Variants in SLC26A3 observed in about 807,000 individuals in gnomAD.
The protein encoded by SLC26A3 is chloride anion exchanger.
In SLC26A3, 64 loss-of-function variants were observed where a neutral mutation model predicts 85.6. The observed-to-expected ratio is 0.75, with a 90% CI of 0.61 to 0.92. SLC26A3 has a LOEUF of 0.92. Ranked by LOEUF, SLC26A3 falls within the 40% of genes least tolerant of loss-of-function variation. SLC26A3 has a pLI of 0.00. For synonymous variants in SLC26A3, 349 were observed against 336.0 expected, an observed-to-expected ratio of 1.04 and a Z score of -0.42; for missense variants, 922 against 927.3, an observed-to-expected ratio of 0.99 and a Z score of 0.07.
chr7:107,778,360 C>CTGTTTTTTTTT (rs1794156104), intron 12 of SLC26A3, 79 bp from the exon 13 acceptor site: 1 of 372,404 alleles, frequency 2.7e-6, no homozygotes, highest in Non-Finnish European at 4.6e-6. Context: ...TTTAAAAAGA[C>CTGTTTTTTTTT]TTTTTTTTTT....
intron 18 of SLC26A3, 50 bp from the exon 19 acceptor site, chr7:107,767,958 C>T (rs778141317): frequency 6.4e-7 from 1 of 1,569,848 alleles, no homozygotes; most frequent in South Asian, 1.1e-5. Context: ...TGTTTGGCTA[C>T]CGGTTTCCCC....
Position 107,771,422 on chromosome 7 carries a change from TC to T in SLC26A3, c.2062+631del, listed in dbSNP as rs750418258. 5.9e-4 allele frequency among the ~76,000 whole-genome samples: 90 copies of T among 151,340 alleles called. 1 individual carries two copies. The highest frequency in any genetic ancestry group is 3.3e-4 in the Admixed American group (5 of 15,198). ...CATGTAGGAAATTGACTAGAAAGAGTCTGTGGAATTAGAACTATGGTATAGA... is the reference window on the plus strand; with the variant it reads ...CATGTAGGAAATTGACTAGAAAGAGTTGTGGAATTAGAACTATGGTATAGA... On this transcript the variant is annotated intron_variant, in intron 18 of 20. Coordinates refer to ENST00000340010, the MANE Select transcript of SLC26A3 (RefSeq NM_000111.3).
At chr7:107,788,784 C>CTTTTTTTTTTTTTTTTTTTTTTTTTTTTT (rs71861759) in intron 6 of SLC26A3, among the ~76,000 whole-genome samples, 2 of 108,064 alleles carry the variant, frequency 1.9e-5, no homozygotes, top group African/African-American at 6.9e-5. Context: ...TTTTTCTTTT[C>CTTTTTTTTTTTTTTTTTTTTTTTTTTTTT]TTTTTTTTTT....
At chr7:107,782,248 G>A (rs1794225556) in intron 11 of SLC26A3, among the ~76,000 whole-genome samples, 1 of 152,190 alleles carries the variant, frequency 6.6e-6, no homozygotes, top group Non-Finnish European at 1.5e-5. Context: ...TGCTGCAGCA[G>A]TTTACAAAGT....
At chr7:107,768,430 A>G (rs2115785629) in intron 18 of SLC26A3, among the ~76,000 whole-genome samples, 1 of 152,336 alleles carries the variant, frequency 6.6e-6, no homozygotes, top group Non-Finnish European at 1.5e-5. Flanking sequence ...ACTAAGCAGC[A>G]TTCATTTACA....
chr7:107,775,516 C>T (rs1292350238), intron 15 of SLC26A3, among the ~76,000 whole-genome samples: 1 of 151,786 alleles, frequency 6.6e-6, no homozygotes, highest in African/African-American at 2.4e-5. Context: ...CGTGAGGCCA[C>T]GAGTTCAAGG....
Position 107,784,797 on chromosome 7 carries a change from T to C in SLC26A3, c.972-1445A>G, listed in dbSNP as rs141605993. On this transcript the variant is annotated intron_variant, in intron 8 of 20. Coordinates refer to ENST00000340010, the MANE Select transcript of SLC26A3 (RefSeq NM_000111.3). The stretch of plus-strand genomic sequence containing the variant: ...ATAAATGCAAATACTATTTACACAC[T>C]GTAAAACACAAAGTGCCTGTTAGCT... 2.0e-5 allele frequency among the ~76,000 whole-genome samples: 3 copies of C among 152,328 alleles called. No individual in the cohort carries two copies. The East Asian group carries it at 5.8e-4, about 29-fold the overall frequency.
At chr7:107,781,039 T>C (rs1015482154) in intron 11 of SLC26A3, among the ~76,000 whole-genome samples, 2 of 152,172 alleles carry the variant, frequency 1.3e-5, no homozygotes, top group Non-Finnish European at 2.9e-5. Context: ...TTTTTTCCAT[T>C]GGGCATTATT....
In SLC26A3 at chr7:107,791,087, C is replaced by T. The variant is rs543522300; in HGVS notation, c.531G>A (p.Ala177=). Residue 177 remains alanine, a synonymous_variant, in exon 5 of 21, where the codon GCG becomes GCA. Transcript: ENST00000340010. The part of the protein sequence containing the change: ...SLLDDERVRV[A]AAASVTVLSG... ...AAAGCACTGTGACTGATGCCGCCGCCGCCACCCTCACCCTCTCGTCATCCA... is the reference window on the plus strand; with the variant it reads ...AAAGCACTGTGACTGATGCCGCCGCTGCCACCCTCACCCTCTCGTCATCCA... 3.0e-5 allele frequency: 48 copies of T among 1,614,130 alleles called. 1 individual carries two copies. The South Asian group carries it at 3.3e-4, about 11-fold the overall frequency.
chr7:107,783,603 C>T (rs963033743), intron 8 of SLC26A3, among the ~76,000 whole-genome samples: 3 of 152,106 alleles, frequency 2.0e-5, no homozygotes, highest in African/African-American at 7.2e-5. Context: ...ATGATTTTGC[C>T]AGTAAAACCA....
chr7:107,769,110 G>A (rs1453365003), intron 18 of SLC26A3, among the ~76,000 whole-genome samples: 3 of 152,146 alleles, frequency 2.0e-5, no homozygotes, highest in Non-Finnish European at 4.4e-5. Context: ...TTATAAGGAA[G>A]CCTTGACAAT....
chr7:107,776,178 A>G (rs1794111566), intron 15 of SLC26A3: 2 of 470,556 alleles, frequency 4.3e-6, no homozygotes. Context: ...CTAGCAGCCC[A>G]AAACTTGGTA....
chr7:107,798,740 G>A lies in SLC26A3; in HGVS notation c.-88-4143C>T, dbSNP rs80006005. Among the ~76,000 whole-genome samples, 639 of 152,196 alleles carry A rather than the reference G, an allele frequency of 4.2e-3. 7 individuals carry two copies. Among genetic ancestry groups the A allele is most frequent in the African/African-American group, 0.014 (601 of 41,512 alleles). On this transcript the variant is annotated intron_variant, in intron 1 of 20. Coordinates refer to ENST00000340010, the MANE Select transcript of SLC26A3 (RefSeq NM_000111.3). The stretch of plus-strand genomic sequence containing the variant: ...GCTGTTCAAGCTGAGGAAGGCCTTC[G>A]ATAGAGACATCACTGAAAATGCCAC...
intron 17 of SLC26A3, 106 bp downstream of exon 17, chr7:107,773,814 G>T: frequency 1.0e-6 from 1 of 960,454 alleles, no homozygotes; most frequent in Admixed American, 2.0e-5. Flanking sequence ...GCCTCCCAAA[G>T]TGCTGGGATT....
chr7:107,779,069 G>A (rs1322421749), intron 12 of SLC26A3, among the ~76,000 whole-genome samples: 1 of 152,116 alleles, frequency 6.6e-6, no homozygotes, highest in Admixed American at 6.6e-5. Context: ...ATTAATGGTT[G>A]CTATCTTTAT....
At position 107,772,113 on chromosome 7, in the gene SLC26A3, TA is replaced by T. The variant is rs1794039189; in HGVS notation, c.2008-6del. ...CCTGATAAATTCTTGCAAAATCTGTTAAAAAGAAAAGTATATCTTCCTTAGG... is the reference window on the plus strand; with the variant it reads ...CCTGATAAATTCTTGCAAAATCTGTTAAAAGAAAAGTATATCTTCCTTAGG... On this transcript the variant is annotated splice_region_variant and splice_polypyrimidine_tract_variant and intron_variant, in intron 17 of 20. Coordinates refer to ENST00000340010, the MANE Select transcript of SLC26A3 (RefSeq NM_000111.3). The T allele has an allele frequency of 4.4e-6, 7 of 1,582,474 alleles. No homozygotes were observed. The highest frequency in any genetic ancestry group is 4.5e-5 in the East Asian group (2 of 44,694).
chr7:107,790,225 C>T (rs1794369768), intron 5 of SLC26A3, among the ~76,000 whole-genome samples: 1 of 152,168 alleles, frequency 6.6e-6, no homozygotes, highest in Non-Finnish European at 1.5e-5. Context: ...CCTAAAGCAT[C>T]ATTGTTTTGC....
intron 18 of SLC26A3, among the ~76,000 whole-genome samples, chr7:107,771,143 G>A (rs1252464496): frequency 1.3e-5 from 2 of 152,150 alleles, no homozygotes; most frequent in African/African-American, 2.4e-5. Context: ...ATTGACTAGA[G>A]GGAAGGAGAG....
chr7:107,786,238 T>G (rs986910232), intron 8 of SLC26A3, among the ~76,000 whole-genome samples: 1 of 152,152 alleles, frequency 6.6e-6, no homozygotes, highest in African/African-American at 2.4e-5. Flanking sequence ...TTATAGTAAT[T>G]TATGGACAAG....
Sources: gnomAD v4.1 joint callset for allele counts (sites outside exome capture counted in the v4.1 genomes callset) on GRCh38, gnomAD v4.1.1 for gene constraint, MANE v1.5 for transcripts, NCBI Gene and HGNC (gene_info 2026-07-23, HGNC 2026-07-21) for gene names.